The following RILPL1 variants were observed in gnomAD, a reference collection of about 807,000 sequenced individuals.
RILPL1 encodes Rab interacting lysosomal protein like 1.
RILPL1 carries 33 observed loss-of-function variants against 50.3 expected under a neutral mutation model. The ratio of observed to expected loss-of-function variants is 0.66; its 90% CI spans 0.50 to 0.88. The LOEUF (loss-of-function observed/expected upper bound fraction) is 0.88. Ranked by LOEUF, RILPL1 falls within the 40% of genes least tolerant of loss-of-function variation. The pLI is 0.00. For synonymous variants in RILPL1, 205 were observed against 228.6 expected (o/e 0.90, Z 0.93); for missense variants, 418 against 542.5 (o/e 0.77, Z 2.28).
rs1313788180 is a variant in RILPL1 at position 123,522,786 on chromosome 12, G to C, written c.460+709C>G. ...TTTTAAAAAAATCGTTAGTAGAGAC[G>C]GGGTCTATGTTGCCCAGGCTGGTCT... is the stretch of plus-strand genomic sequence containing the variant. On this transcript the variant is annotated intron_variant, in intron 2 of 6. Coordinates refer to ENST00000376874, the MANE Select transcript of RILPL1 (RefSeq NM_178314.5). This position sits in a 1 kb window ranked among gnomAD's most constrained non-coding sequence, Gnocchi z 4.0. Among the ~76,000 whole-genome samples the C allele has an allele frequency of 6.6e-6, 1 of 151,946 alleles. No individual in the cohort carries two copies. The highest frequency in any genetic ancestry group is 2.4e-5 in the African/African-American group (1 of 41,344).
chr12:123,501,910 T>TTGTATTTTAGTAG (rs1319395571), intron 2 of RILPL1, among the ~76,000 whole-genome samples: 2 of 150,686 alleles, frequency 1.3e-5, no homozygotes, highest in East Asian at 3.9e-4. Flanking sequence ...ACCCCGTCTC[T>TTGTATTTTAGTAG]ACTAAAAATA....
At chr12:123,528,130 GCT>G (rs773887031) in intron 1 of RILPL1, among the ~76,000 whole-genome samples, 18 of 152,134 alleles carry the variant, frequency 1.2e-4, no homozygotes, top group Non-Finnish European at 2.5e-4. Flanking sequence ...ACTTTGGGAG[GCT>G]GAGGCAGGAG....
At chr12:123,478,198 G>A (rs1452764762) in intron 6 of RILPL1, among the ~76,000 whole-genome samples, 1 of 151,460 alleles carries the variant, frequency 6.6e-6, no homozygotes, top group African/African-American at 2.4e-5. Context: ...ATAGGGTCTT[G>A]CTATGTTGCC....
rs576731553 is a variant in RILPL1 at position 123,502,693 on chromosome 12, G to A, written c.461-3157C>T. Among the ~76,000 whole-genome samples the A allele has an allele frequency of 1.4e-4, 21 of 152,330 alleles. No individual in the cohort carries two copies. The East Asian group carries it at 4.0e-3, about 29-fold the overall frequency. On this transcript the variant is annotated intron_variant, in intron 2 of 6. Coordinates refer to ENST00000376874, the MANE Select transcript of RILPL1 (RefSeq NM_178314.5). The stretch of plus-strand genomic sequence containing the variant: ...CGCAGGTGCCCATTAAGTTATTGTT[G>A]AATTAATGACCTGTGAGGATGGGTG...
At chr12:123,506,652 G>A (rs1192301677) in intron 2 of RILPL1, among the ~76,000 whole-genome samples, 2 of 152,190 alleles carry the variant, frequency 1.3e-5, no homozygotes, top group Non-Finnish European at 2.9e-5. Context: ...CTGCCATCGA[G>A]CCTCACGGCT....
intron 1 of RILPL1, among the ~76,000 whole-genome samples, chr12:123,530,315 G>A (rs1287774199): frequency 2.6e-5 from 4 of 152,000 alleles, no homozygotes; most frequent in Non-Finnish European, 5.9e-5. Context: ...ATAGGCACTC[G>A]CCACCATGCC....
intron 4 of RILPL1, among the ~76,000 whole-genome samples, chr12:123,492,418 G>C (rs1241799499): frequency 6.6e-6 from 1 of 152,146 alleles, no homozygotes; most frequent in South Asian, 2.1e-4. Flanking sequence ...TGGTGGCCAG[G>C]GGCTGGGGAA....
rs116435504 is a variant in RILPL1 at position 123,488,568 on chromosome 12, G to A, written c.802-2763C>T. Among the ~76,000 whole-genome samples, 222 of 152,294 alleles carry A rather than the reference G, an allele frequency of 1.5e-3. 1 individual carries two copies. The highest frequency in any genetic ancestry group is 5.0e-3 in the African/African-American group (206 of 41,574). The stretch of plus-strand genomic sequence containing the variant: ...CTGAGGGATTCCAGAAGGCAGAGCC[G>A]AGAGGCTTCACACCCTGTGGGAGGC... On this transcript the variant is annotated intron_variant, in intron 4 of 6. Transcript: ENST00000376874.
At chr12:123,473,842 A>G (rs201240728) in intron 6 of RILPL1, 1 of 104,120 alleles carries the variant, frequency 9.6e-6, no homozygotes, top group African/African-American at 2.6e-5. Flanking sequence ...AAAAAACAAA[A>G]GAAAAAAAAA....
Position 123,472,409 on chromosome 12 carries a change from G to T in RILPL1, c.*129C>A. 1.0e-6 allele frequency: 1 copy of T among 957,608 alleles called. No individual in the cohort carries two copies. The highest frequency in any genetic ancestry group is 1.5e-6 in the Non-Finnish European group (1 of 648,952). 59.3% of individuals were successfully genotyped at this position (957,608 alleles called of 1,614,324 possible). Reference sequence around the variant, plus strand: ...TGTCCATCCTCAAATCAGACAGTCTGTTTGAGGGGTCAGTTTTCAGGGTGC... The same window carrying T: ...TGTCCATCCTCAAATCAGACAGTCTTTTTGAGGGGTCAGTTTTCAGGGTGC... On this transcript the variant is annotated 3_prime_UTR_variant, in exon 7 of 7. Transcript: ENST00000376874.
At chr12:123,484,696 C>T (rs899455166) in intron 5 of RILPL1, 3 of 211,138 alleles carry the variant, frequency 1.4e-5, no homozygotes, top group African/African-American at 7.3e-5. Flanking sequence ...ATTCTGTTGC[C>T]CAGGCTCGAG....
intron 6 of RILPL1, among the ~76,000 whole-genome samples, chr12:123,477,104 G>GT (rs1304664443): frequency 1.2e-4 from 18 of 152,192 alleles, no homozygotes; most frequent in Non-Finnish European, 2.6e-4. Flanking sequence ...TAAGCCCACG[G>GT]TAAGTAAATG....
rs1478420816 is a variant in RILPL1 at position 123,491,653 on chromosome 12, C to T, written c.802-5848G>A. On this transcript the variant is annotated intron_variant, in intron 4 of 6. Transcript: ENST00000376874. The surrounding 1 kb of genome is among the most constrained non-coding windows in gnomAD (Gnocchi z 4.0). ...TGCCCGCCTTTCAGCCAGCATACGC[C>T]TGTCTGCTTTCCCTATGCAGGCAGC... is the stretch of plus-strand genomic sequence containing the variant. Among the ~76,000 whole-genome samples the T allele has an allele frequency of 6.6e-6, 1 of 152,210 alleles. No homozygotes were observed. Among genetic ancestry groups the T allele is most frequent in the Non-Finnish European group, 1.5e-5 (1 of 68,028 alleles).
intron 1 of RILPL1, among the ~76,000 whole-genome samples, chr12:123,532,284 T>C (rs988814246): frequency 2.6e-5 from 4 of 152,174 alleles, no homozygotes; most frequent in African/African-American, 7.2e-5. Flanking sequence ...GGAAACCACA[T>C]GTCTTTCACT....
rs555995817 is a variant in RILPL1 at position 123,503,304 on chromosome 12, G to A, written c.461-3768C>T. ...CAACCTCTGTCTCCCCGGTTCAAGC[G>A]ATTCTTCTGCCTCAGCCTCCCAAGT... On this transcript the variant is annotated intron_variant, in intron 2 of 6. Transcript: ENST00000376874. Among the ~76,000 whole-genome samples, 13 of 146,248 alleles carry A rather than the reference G, an allele frequency of 8.9e-5. No individual in the cohort carries two copies. In the East Asian group the frequency reaches 2.5e-3, roughly 28 times the overall value.
intron 2 of RILPL1, among the ~76,000 whole-genome samples, chr12:123,502,563 C>T (rs1277654992): frequency 6.6e-6 from 1 of 151,488 alleles, no homozygotes; most frequent in African/African-American, 2.4e-5. Flanking sequence ...GTGAGGCCCA[C>T]CCCTCATCCC....
chr12:123,512,888 GGT>G (rs1413241551), intron 2 of RILPL1, among the ~76,000 whole-genome samples: 1 of 140,080 alleles, frequency 7.1e-6, no homozygotes, highest in Non-Finnish European at 1.5e-5. Flanking sequence ...GTGTGTGTGT[GGT>G]GTGTGCAGTG....
At chr12:123,520,696 G>A (rs891799568) in intron 2 of RILPL1, among the ~76,000 whole-genome samples, 5 of 152,128 alleles carry the variant, frequency 3.3e-5, no homozygotes, top group Admixed American at 6.6e-5. Context: ...AAGTCACCGC[G>A]GCAGGGAGAC....
rs1882693065 is a variant in RILPL1, at chr12:123,491,647, A to T, written c.802-5842T>A. ...AAATTCTGCCCGCCTTTCAGCCAGC[A>T]TACGCCTGTCTGCTTTCCCTATGCA... On this transcript the variant is annotated intron_variant, in intron 4 of 6. Transcript: ENST00000376874. This position sits in a 1 kb window ranked among gnomAD's most constrained non-coding sequence, Gnocchi z 4.0. Among the ~76,000 whole-genome samples the T allele has an allele frequency of 6.6e-6, 1 of 152,224 alleles. No individual in the cohort carries two copies.
Sources: gnomAD v4.1 joint callset for allele counts (sites outside exome capture counted in the v4.1 genomes callset) on GRCh38, gnomAD v4.1.1 for gene constraint, Gnocchi (gnomAD v3.1) non-coding constraint, MANE v1.5 for transcripts, NCBI Gene and HGNC (gene_info 2026-07-23, HGNC 2026-07-21) for gene names.